The following PARN variants were observed in gnomAD, a reference collection of about 807,000 sequenced individuals.
The protein encoded by PARN is poly(A)-specific ribonuclease PARN.
In PARN, 71 loss-of-function variants were observed where a neutral mutation model predicts 102.8. That is an observed-to-expected ratio of 0.69 (90% CI 0.57 to 0.84). The LOEUF (loss-of-function observed/expected upper bound fraction) is 0.84, where lower values mean the gene tolerates loss of function less well. Ranked by LOEUF, PARN falls within the 40% of genes least tolerant of loss-of-function variation. The pLI, the probability that PARN is intolerant of heterozygous loss-of-function variation, is 0.00. For synonymous variants in PARN, 261 were observed against 252.9 expected, an observed-to-expected ratio of 1.03 and a Z score of -0.30; for missense variants, 782 against 760.9, an observed-to-expected ratio of 1.03 and a Z score of -0.33.
intron 21 of PARN, among the ~76,000 whole-genome samples, chr16:14,534,253 G>T (rs1045719768): frequency 5.5e-5 from 8 of 144,220 alleles, no homozygotes; most frequent in East Asian, 2.0e-4. Context: ...AATACTTAAA[G>T]AATAATACTG....
chr16:14,621,736 G>A (rs1339486716), intron 5 of PARN, among the ~76,000 whole-genome samples: 2 of 151,822 alleles, frequency 1.3e-5, no homozygotes, highest in African/African-American at 2.4e-5. Flanking sequence ...GCGTGAACAC[G>A]GGAGGCAGAG....
chr16:14,580,535 C>A (rs1227459732), intron 18 of PARN, among the ~76,000 whole-genome samples: 3 of 152,150 alleles, frequency 2.0e-5, no homozygotes, highest in African/African-American at 7.2e-5. Context: ...ACTCTGCCCA[C>A]CTCAGCCTCC....
At chr16:14,601,062 T>C (rs1017114997) in intron 11 of PARN, among the ~76,000 whole-genome samples, 1 of 152,190 alleles carries the variant, frequency 6.6e-6, no homozygotes, top group Non-Finnish European at 1.5e-5. Context: ...GAAAACAGTA[T>C]GGAGGCTCAT....
intron 13 of PARN, among the ~76,000 whole-genome samples, chr16:14,588,462 T>C (rs1023096428): frequency 6.6e-6 from 1 of 152,210 alleles, no homozygotes; most frequent in Non-Finnish European, 1.5e-5. Flanking sequence ...CGGGAGATAC[T>C]TCATTTGTTA....
intron 21 of PARN, among the ~76,000 whole-genome samples, chr16:14,545,879 A>G (rs1309025604): frequency 6.6e-6 from 1 of 152,266 alleles, no homozygotes; most frequent in Non-Finnish European, 1.5e-5. Flanking sequence ...TAGAAAAAAG[A>G]AGAAAAGAAG....
Position 14,573,469 on chromosome 16 carries a change from G to A in PARN, c.1262+7405C>T, listed in dbSNP as rs577853300. On this transcript the variant is annotated intron_variant, in intron 18 of 23. Transcript: ENST00000437198. Reference sequence around the variant, plus strand: ...GACCAATATCTCCCCAATCCTCCCCGCACCCCTTATATTTCAAGAAACGGA... The same window carrying A: ...GACCAATATCTCCCCAATCCTCCCCACACCCCTTATATTTCAAGAAACGGA... 5.3e-5 allele frequency among the ~76,000 whole-genome samples: 8 copies of A among 151,998 alleles called. 2 individuals are homozygous for A. The South Asian group carries it at 6.2e-4, about 12-fold the overall frequency.
chr16:14,544,148 T>G (rs1290102005), intron 21 of PARN, among the ~76,000 whole-genome samples: 3 of 151,598 alleles, frequency 2.0e-5, no homozygotes, highest in Non-Finnish European at 2.9e-5. Context: ...GCCAAGATCA[T>G]GCCATTGCAC....
intron 18 of PARN, among the ~76,000 whole-genome samples, chr16:14,579,757 C>T (rs562834212): frequency 6.6e-6 from 1 of 152,150 alleles, no homozygotes; most frequent in South Asian, 2.1e-4. Context: ...GGCAGATAAC[C>T]TGAGGTCAGG....
chr16:14,604,139 C>CAATT lies in PARN; in HGVS notation c.783+3_783+6dup. On this transcript the variant is annotated splice_region_variant and intron_variant, in intron 11 of 23. Coordinates refer to ENST00000437198, the MANE Select transcript of PARN (RefSeq NM_002582.4). ...TCACCCCCCAAGAATTAACATAGCC[C>CAATT]AATTACCTGTTCTTTGGCATGTTTC... 3 of 1,563,730 alleles carry CAATT rather than the reference C, an allele frequency of 1.9e-6. No homozygotes were observed. The highest frequency in any genetic ancestry group is 2.6e-6 in the Non-Finnish European group (3 of 1,140,254).
chr16:14,491,083 A>G (rs1207236924), intron 21 of PARN, among the ~76,000 whole-genome samples: 2 of 152,038 alleles, frequency 1.3e-5, no homozygotes, highest in African/African-American at 4.8e-5. Context: ...TCTAACAGAA[A>G]CATGGTAAAA....
At chr16:14,576,509 T>C (rs1427824149) in intron 18 of PARN, among the ~76,000 whole-genome samples, 1 of 152,260 alleles carries the variant, frequency 6.6e-6, no homozygotes, top group Non-Finnish European at 1.5e-5. Flanking sequence ...AAACGTCTGA[T>C]TTTGTGCTTT....
rs1187427280 is a variant in PARN at position 14,544,129 on chromosome 16, T to C, written c.1480+7892A>G. The stretch of plus-strand genomic sequence containing the variant: ...ATCGCTTGAACCCGGGAGGTGGAGG[T>C]TGCGGTGAGCCAAGATCATGCCATT... On this transcript the variant is annotated intron_variant, in intron 21 of 23. Transcript: ENST00000437198. Among the ~76,000 whole-genome samples, 4 of 151,910 alleles carry C rather than the reference T, an allele frequency of 2.6e-5. 1 individual carries two copies. In the South Asian group the frequency reaches 8.3e-4, roughly 32 times the overall value.
At chr16:14,483,036 T>G (rs1482480381) in intron 21 of PARN, among the ~76,000 whole-genome samples, 1 of 152,148 alleles carries the variant, frequency 6.6e-6, no homozygotes, top group Non-Finnish European at 1.5e-5. Flanking sequence ...AAAAAAGCCA[T>G]TGCTCCCCAA....
chr16:14,443,123 T>A (rs1275867293), intron 23 of PARN, among the ~76,000 whole-genome samples: 1 of 152,172 alleles, frequency 6.6e-6, no homozygotes, highest in Non-Finnish European at 1.5e-5. Flanking sequence ...GTTTAAAAGG[T>A]CTAGACAAGA....
chr16:14,452,111 G>A (rs555651315), intron 22 of PARN, among the ~76,000 whole-genome samples: 34 of 152,086 alleles, frequency 2.2e-4, no homozygotes, highest in Admixed American at 9.2e-4. Flanking sequence ...GCTATTCTAC[G>A]GACATGGAGA....
chr16:14,542,565 A>AT (rs1261118425), intron 21 of PARN, among the ~76,000 whole-genome samples: 126 of 140,746 alleles, frequency 9.0e-4, no homozygotes, highest in Middle Eastern at 3.8e-3. Flanking sequence ...ACTCAAAAAA[A>AT]TTAAAAAAAA....
chr16:14,565,588 A>G (rs1968379224), intron 18 of PARN, among the ~76,000 whole-genome samples: 1 of 152,252 alleles, frequency 6.6e-6, no homozygotes, highest in Non-Finnish European at 1.5e-5. Context: ...CAAGCCCCAC[A>G]CAATCCAACA....
chr16:14,448,549 A>T (rs1456195100), intron 22 of PARN, among the ~76,000 whole-genome samples: 1 of 152,220 alleles, frequency 6.6e-6, no homozygotes, highest in African/African-American at 2.4e-5. Context: ...CGGCCTCCCA[A>T]AGTGCTGGGA....
chr16:14,467,595 A>G (rs543015373), intron 22 of PARN, among the ~76,000 whole-genome samples: 2 of 152,236 alleles, frequency 1.3e-5, no homozygotes, highest in African/African-American at 4.8e-5. Flanking sequence ...TTTCTGCAGC[A>G]TTGCATGATA....
Sources: allele counts gnomAD v4.1 joint callset (sites outside exome capture counted in the v4.1 genomes callset), GRCh38; gene constraint gnomAD v4.1.1; transcripts MANE v1.5; gene names NCBI Gene and HGNC (gene_info 2026-07-23, HGNC 2026-07-21).